Variants in CACNB2 observed in about 807,000 individuals in gnomAD.
The protein encoded by CACNB2 is calcium voltage-gated channel auxiliary subunit beta 2, also known as voltage-dependent L-type calcium channel subunit beta-2.
In CACNB2, 42 loss-of-function variants were observed where a neutral mutation model predicts 73.3. The observed-to-expected ratio is 0.57, with a 90% CI of 0.45 to 0.74. CACNB2 has a LOEUF of 0.74. CACNB2 is among the 30% of genes least tolerant of loss of function. The pLI is 0.00. For synonymous variants in CACNB2, 348 were observed against 310.3 expected (o/e 1.12, Z -1.28); for missense variants, 940 against 853.0 (o/e 1.10, Z -1.27).
At chr10:18,462,175 C>T (rs75363576) in intron 3 of CACNB2, among the ~76,000 whole-genome samples, 3,389 of 152,280 alleles carry the variant, frequency 0.022, 139 homozygotes, top group African/African-American at 0.077. Context: ...ACAGAATATT[C>T]ACTATAAGAA....
intron 2 of CACNB2, among the ~76,000 whole-genome samples, chr10:18,269,144 G>A (rs561674182): frequency 6.6e-6 from 1 of 152,322 alleles, no homozygotes; most frequent in African/African-American, 2.4e-5. Flanking sequence ...GTTGCTGGCA[G>A]ATTTCCTAAA....
chr10:18,174,286 CTCTCTTTT>C (rs1345817314), intron 2 of CACNB2, among the ~76,000 whole-genome samples: 1 of 120,780 alleles, frequency 8.3e-6, no homozygotes. Flanking sequence ...CTCTCTCTTT[CTCTCTTTT>C]CCTTCCTTCC....
At chr10:18,318,614 T>C (rs2040282149) in intron 2 of CACNB2, among the ~76,000 whole-genome samples, 1 of 152,140 alleles carries the variant, frequency 6.6e-6, no homozygotes, top group African/African-American at 2.4e-5. Flanking sequence ...GGGATCTAAT[T>C]AAACTAAAGA....
chr10:18,276,529 C>G (rs1564397267), intron 2 of CACNB2, among the ~76,000 whole-genome samples: 1 of 152,064 alleles, frequency 6.6e-6, no homozygotes, highest in Non-Finnish European at 1.5e-5. Flanking sequence ...GGGCTGGATA[C>G]AGTGGCACGC....
At chr10:18,196,569 C>G (rs2034635037) in intron 2 of CACNB2, among the ~76,000 whole-genome samples, 1 of 152,182 alleles carries the variant, frequency 6.6e-6, no homozygotes. Context: ...CTGTCCACCT[C>G]AACCTCCCGA....
At chr10:18,406,405 T>G (rs977998940) in intron 3 of CACNB2, among the ~76,000 whole-genome samples, 1 of 152,110 alleles carries the variant, frequency 6.6e-6, no homozygotes, top group African/African-American at 2.4e-5. Flanking sequence ...GACAGGAAGC[T>G]TCATCTATAT....
At chr10:18,225,724 C>G (rs1564358890) in intron 2 of CACNB2, among the ~76,000 whole-genome samples, 1 of 151,988 alleles carries the variant, frequency 6.6e-6, no homozygotes, top group Non-Finnish European at 1.5e-5. Flanking sequence ...ACGGCAACCT[C>G]CACCTCCCGG....
chr10:18,499,637 A>AAAAAAAAAAG (rs1554831784), intron 4 of CACNB2, among the ~76,000 whole-genome samples: 1 of 92,540 alleles, frequency 1.1e-5, no homozygotes, highest in Non-Finnish European at 2.3e-5. Context: ...AAAAAAAAAA[A>AAAAAAAAAAG]AAGAACCTAG....
At position 18,333,136 on chromosome 10, in the gene CACNB2, C is replaced by T. The variant is rs571158737; in HGVS notation, c.214-68788C>T. 1.2e-4 allele frequency among the ~76,000 whole-genome samples: 18 copies of T among 152,152 alleles called. No individual in the cohort carries two copies. In the South Asian group the frequency reaches 3.5e-3, roughly 30 times the overall value. ...TCATTTTCAAGTGTATCTCATTCAG[C>T]GATAGGGATGGGGGGATGGGGAAAA... On this transcript the variant is annotated intron_variant, in intron 2 of 13. Coordinates refer to ENST00000324631, the MANE Select transcript of CACNB2 (RefSeq NM_201596.3).
intron 2 of CACNB2, among the ~76,000 whole-genome samples, chr10:18,199,872 G>A (rs2034796579): frequency 6.6e-6 from 1 of 151,628 alleles, no homozygotes; most frequent in African/African-American, 2.4e-5. Flanking sequence ...TTGGGAAGAA[G>A]CGGTTGGGAT....
intron 2 of CACNB2, among the ~76,000 whole-genome samples, chr10:18,192,012 G>C (rs764808560): frequency 6.6e-6 from 1 of 151,500 alleles, no homozygotes; most frequent in African/African-American, 2.4e-5. Context: ...GGACTAAAGT[G>C]TGCCCTCATA....
intron 2 of CACNB2, among the ~76,000 whole-genome samples, chr10:18,314,858 A>G (rs552357403): frequency 2.6e-5 from 4 of 152,216 alleles, no homozygotes. Context: ...CTGCACCAAA[A>G]GATTAAAAAA....
At chr10:18,201,219 A>G (rs974949386) in intron 2 of CACNB2, among the ~76,000 whole-genome samples, 3 of 152,012 alleles carry the variant, frequency 2.0e-5, no homozygotes, top group African/African-American at 7.2e-5. Flanking sequence ...TAGAATTTTC[A>G]AAACAGTAGT....
intron 3 of CACNB2, among the ~76,000 whole-genome samples, chr10:18,452,776 G>T (rs753354142): frequency 3.3e-5 from 5 of 152,180 alleles, no homozygotes; most frequent in Admixed American, 6.5e-5. Flanking sequence ...ACCAAAAAAG[G>T]TTCTCTGGCC....
At chr10:18,207,529 A>G (rs2131337369) in intron 2 of CACNB2, among the ~76,000 whole-genome samples, 1 of 152,300 alleles carries the variant, frequency 6.6e-6, no homozygotes, top group South Asian at 2.1e-4. Context: ...GAAACTATAT[A>G]TCTTAGTTAA....
chr10:18,184,980 C>T (rs2034082832), intron 2 of CACNB2, among the ~76,000 whole-genome samples: 1 of 152,146 alleles, frequency 6.6e-6, no homozygotes, highest in Admixed American at 6.5e-5. Flanking sequence ...GCTGGGACTA[C>T]AGGCATGCAC....
rs1206485529 is a variant in CACNB2 at position 18,411,357 on chromosome 10, T to C, written c.333+9314T>C. On this transcript the variant is annotated intron_variant, in intron 3 of 13. Coordinates refer to ENST00000324631, the MANE Select transcript of CACNB2 (RefSeq NM_201596.3). ...ACTGGGTAGGTAACAATCACACACA[T>C]TGGTACTGTCGTTCTTCCACTCACC... is the stretch of plus-strand genomic sequence containing the variant. 9.9e-5 allele frequency among the ~76,000 whole-genome samples: 15 copies of C among 152,242 alleles called. No homozygotes were observed. In the South Asian group the frequency reaches 2.9e-3, roughly 30 times the overall value.
At chr10:18,433,530 G>A (rs2045989522) in intron 3 of CACNB2, among the ~76,000 whole-genome samples, 1 of 152,098 alleles carries the variant, frequency 6.6e-6, no homozygotes, top group South Asian at 2.1e-4. Context: ...AGTTGCCTTG[G>A]TTTATTATAG....
chr10:18,377,084 T>A (rs1367599955), intron 2 of CACNB2, among the ~76,000 whole-genome samples: 2 of 152,206 alleles, frequency 1.3e-5, no homozygotes, highest in Non-Finnish European at 2.9e-5. Flanking sequence ...TATTATATAT[T>A]GCATGCCTGT....
Sources: gnomAD v4.1 joint callset for allele counts (sites outside exome capture counted in the v4.1 genomes callset) on GRCh38, gnomAD v4.1.1 for gene constraint, MANE v1.5 for transcripts, NCBI Gene and HGNC (gene_info 2026-07-23, HGNC 2026-07-21) for gene names.